SUMF1: variants seen among roughly 807,000 people sequenced by gnomAD.
SUMF1 encodes the protein sulfatase modifying factor 1.
Under a neutral mutation model 47.6 loss-of-function variants are expected in SUMF1, and 48 were observed. The ratio of observed to expected loss-of-function variants is 1.01; its 90% CI spans 0.80 to 1.28. SUMF1 has a LOEUF of 1.28. Among genes scored for constraint, SUMF1 ranks in the 50% most tolerant of loss-of-function variants. SUMF1 has a pLI of 0.00. For missense variants in SUMF1, 571 were observed against 485.4 expected (o/e 1.18, Z -1.66); for synonymous variants, 230 against 192.1 (o/e 1.20, Z -1.63).
At chr3:4,415,567 C>T (rs1440686682) in intron 6 of SUMF1, among the ~76,000 whole-genome samples, 1 of 152,046 alleles carries the variant, frequency 6.6e-6, no homozygotes, top group Non-Finnish European at 1.5e-5. Flanking sequence ...AATCCCAACA[C>T]TTTGGGAGGC....
At chr3:4,369,356 G>T (rs960335783) in intron 8 of SUMF1, among the ~76,000 whole-genome samples, 2 of 152,186 alleles carry the variant, frequency 1.3e-5, no homozygotes, top group Non-Finnish European at 2.9e-5. Context: ...TGCAATGGAA[G>T]CTCTCAAATG....
intron 8 of SUMF1, among the ~76,000 whole-genome samples, chr3:4,309,552 C>A (rs576962296): frequency 6.6e-6 from 1 of 152,074 alleles, no homozygotes; most frequent in Non-Finnish European, 1.5e-5. Flanking sequence ...CAGAAAAGTC[C>A]AAGTGGTAAC....
At chr3:4,374,391 T>C (rs2124831035) in intron 8 of SUMF1, among the ~76,000 whole-genome samples, 1 of 152,320 alleles carries the variant, frequency 6.6e-6, no homozygotes, top group Non-Finnish European at 1.5e-5. Flanking sequence ...TAATAAAGTA[T>C]GTAGGAGTTT....
intron 8 of SUMF1, chr3:4,317,207 G>A: frequency 6.5e-7 from 1 of 1,546,952 alleles, no homozygotes; most frequent in Non-Finnish European, 8.7e-7. Flanking sequence ...TTTCTCGTTG[G>A]CAAAAATGTG....
chr3:4,430,354 G>A (rs1702195132), intron 3 of SUMF1, among the ~76,000 whole-genome samples: 1 of 152,136 alleles, frequency 6.6e-6, no homozygotes, highest in Admixed American at 6.5e-5. Context: ...GAGCCAAGTG[G>A]CTAATTCTGG....
chr3:4,263,054 TA>T (rs1697118940), intron 8 of SUMF1, among the ~76,000 whole-genome samples: 1 of 152,152 alleles, frequency 6.6e-6, no homozygotes. Flanking sequence ...CTTTATTTTT[TA>T]AATGGGGGTG....
intron 3 of SUMF1, among the ~76,000 whole-genome samples, chr3:4,427,846 C>G (rs1036501999): frequency 6.6e-6 from 1 of 151,898 alleles, no homozygotes; most frequent in Non-Finnish European, 1.5e-5. Context: ...AAAAAATGGC[C>G]CAAGGAATCT....
intron 8 of SUMF1, among the ~76,000 whole-genome samples, chr3:4,235,614 T>C (rs898630655): frequency 2.6e-5 from 4 of 152,042 alleles, no homozygotes; most frequent in Non-Finnish European, 5.9e-5. Context: ...AAGAGATATA[T>C]CATAAAACCA....
At chr3:4,254,182 T>G (rs533770425) in intron 8 of SUMF1, among the ~76,000 whole-genome samples, 1 of 151,314 alleles carries the variant, frequency 6.6e-6, no homozygotes, top group South Asian at 2.1e-4. Flanking sequence ...ACAGAAAAAC[T>G]GGAAACTCTA....
Position 4,308,738 on chromosome 3 carries a change from G to C in SUMF1, c.1014+67592C>G, listed in dbSNP as rs559549867. Among the ~76,000 whole-genome samples the C allele has an allele frequency of 3.9e-5, 6 of 152,328 alleles. No homozygotes were observed. The South Asian group carries it at 1.2e-3, about 32-fold the overall frequency. ...CACAGTTCAAGACCATAGTCACAGA[G>C]TTTTCCTGCCTGGTCTGCACACTTT... On this transcript the variant is annotated intron_variant and NMD_transcript_variant, in intron 8 of 12. Transcript: ENST00000448413.
intron 8 of SUMF1, among the ~76,000 whole-genome samples, chr3:4,216,436 T>A (rs1161058870): frequency 1.3e-5 from 2 of 151,748 alleles, no homozygotes; most frequent in Admixed American, 6.6e-5. Context: ...ACCATAAAAA[T>A]CCTAGAAGAA....
At chr3:4,286,037 G>C (rs1292972514) in intron 8 of SUMF1, among the ~76,000 whole-genome samples, 5 of 152,030 alleles carry the variant, frequency 3.3e-5, no homozygotes, top group African/African-American at 1.2e-4. Flanking sequence ...TATGCAGTAA[G>C]AATGTATTGC....
chr3:4,342,120 A>G (rs1190814905), intron 8 of SUMF1, among the ~76,000 whole-genome samples: 2 of 152,228 alleles, frequency 1.3e-5, no homozygotes, highest in Non-Finnish European at 2.9e-5. Flanking sequence ...TAGGTCTTCA[A>G]TTCCAACAAA....
intron 7 of SUMF1, among the ~76,000 whole-genome samples, chr3:4,381,245 C>T (rs1024608293): frequency 6.6e-6 from 1 of 152,094 alleles, no homozygotes; most frequent in Non-Finnish European, 1.5e-5. Flanking sequence ...GAATGGAAAA[C>T]CAAACATCAT....
At chr3:4,288,423 T>C (rs1375744751) in intron 8 of SUMF1, among the ~76,000 whole-genome samples, 1 of 152,028 alleles carries the variant, frequency 6.6e-6, no homozygotes, top group African/African-American at 2.4e-5. Flanking sequence ...TCTGAAAGAA[T>C]TACTATCATG....
rs545332798 is a variant in SUMF1 at position 4,049,923 on chromosome 3, G to C, written c.1191+18646C>G. On this transcript the variant is annotated intron_variant and NMD_transcript_variant, in intron 9 of 12. Transcript: ENST00000448413. ...GGGGAGCTGGAAGGGGGATGGAGTG[G>C]GAAGATGTTCTTCCCCTGGAGTTTG... is the stretch of plus-strand genomic sequence containing the variant. Among the ~76,000 whole-genome samples the C allele has an allele frequency of 6.0e-4, 91 of 152,102 alleles. 2 individuals carry two copies. The South Asian group carries it at 0.018, about 30-fold the overall frequency.
intron 8 of SUMF1, among the ~76,000 whole-genome samples, chr3:4,083,688 T>G (rs990027014): frequency 6.6e-6 from 1 of 152,150 alleles, no homozygotes; most frequent in African/African-American, 2.4e-5. Context: ...CTACAAAATA[T>G]GTAATGCCTT....
intron 8 of SUMF1, among the ~76,000 whole-genome samples, chr3:4,102,634 T>C (rs1559472113): frequency 6.6e-6 from 1 of 152,172 alleles, no homozygotes; most frequent in Non-Finnish European, 1.5e-5. Flanking sequence ...GTGCTTCCCA[T>C]GTTCTACATT....
intron 8 of SUMF1, among the ~76,000 whole-genome samples, chr3:4,336,593 T>C (rs1055332342): frequency 6.6e-6 from 1 of 152,188 alleles, no homozygotes; most frequent in African/African-American, 2.4e-5. Flanking sequence ...TCTTTTACAA[T>C]AACAACACAA....
Sources: allele counts gnomAD v4.1 joint callset (sites outside exome capture counted in the v4.1 genomes callset), GRCh38; gene constraint gnomAD v4.1.1; transcripts MANE v1.5; gene names NCBI Gene and HGNC (gene_info 2026-07-23, HGNC 2026-07-21).